The following MYO3A variants were observed in gnomAD, a reference collection of about 807,000 sequenced individuals.
MYO3A encodes the protein myosin IIIA.
In MYO3A, 180 loss-of-function variants were observed where a neutral mutation model predicts 192.7. The ratio of observed to expected loss-of-function variants is 0.93; its 90% confidence interval spans 0.83 to 1.06. MYO3A has a LOEUF of 1.06. Among genes scored for constraint, MYO3A ranks in the 50% least tolerant of loss-of-function variants. The pLI is 0.00. For synonymous variants in MYO3A, 628 were observed against 645.3 expected (o/e 0.97, Z 0.41); for missense variants, 1,896 against 1,905.0 (o/e 1.00, Z 0.09).
chr10:26,193,790 T>G (rs1589112235), intron 32 of MYO3A, among the ~76,000 whole-genome samples: 1 of 152,352 alleles, frequency 6.6e-6, no homozygotes, highest in South Asian at 2.1e-4. Flanking sequence ...TCCCTGAATG[T>G]ATTATCCATA....
intron 9 of MYO3A, 29 bp from the exon 10 acceptor site, chr10:26,026,348 T>C (rs1842541630): frequency 6.2e-7 from 1 of 1,612,904 alleles, no homozygotes; most frequent in African/African-American, 1.3e-5. Context: ...ACTTATCTAA[T>C]AATTGCATGT....
At chr10:26,177,629 G>A (rs935056481) in intron 31 of MYO3A, among the ~76,000 whole-genome samples, 12 of 152,180 alleles carry the variant, frequency 7.9e-5, no homozygotes, top group Non-Finnish European at 1.3e-4. Context: ...TAAAGTTCAG[G>A]AGTCCCACGA....
chr10:26,184,104 G>C (rs1842753063), intron 31 of MYO3A, among the ~76,000 whole-genome samples: 1 of 152,150 alleles, frequency 6.6e-6, no homozygotes, highest in Non-Finnish European at 1.5e-5. Context: ...AAAGGAAGGA[G>C]GCCATGCAAG....
rs148750296 is a variant in MYO3A, at chr10:26,124,762, C to G, written c.1904-636C>G. On this transcript the variant is annotated intron_variant, in intron 18 of 34. Transcript: ENST00000642920. ...ATTAAAGTGTTACTAATTTTAAATT[C>G]CCCATGAAATGTAATCAACATTAAA... Among the ~76,000 whole-genome samples the G allele has an allele frequency of 2.9e-3, 447 of 152,224 alleles. 3 individuals carry two copies. The highest frequency in any genetic ancestry group is 9.2e-3 in the African/African-American group (382 of 41,550).
At chr10:26,139,030 C>T (rs2131820705) in intron 20 of MYO3A, among the ~76,000 whole-genome samples, 1 of 152,276 alleles carries the variant, frequency 6.6e-6, no homozygotes, top group South Asian at 2.1e-4. Context: ...TGTAAGGAAG[C>T]CTCTGAGTCC....
intron 10 of MYO3A, among the ~76,000 whole-genome samples, chr10:26,054,195 T>C (rs11813730): frequency 0.16 from 24,736 of 152,132 alleles, 2,306 homozygotes; most frequent in Non-Finnish European, 0.21. Context: ...TGAGTTATGT[T>C]TTAAAAAGAT....
intron 19 of MYO3A, among the ~76,000 whole-genome samples, chr10:26,127,751 A>G (rs987090005): frequency 1.7e-5 from 2 of 115,636 alleles, no homozygotes; most frequent in Non-Finnish European, 4.1e-5. Flanking sequence ...CCTTTTGACC[A>G]ATAGTAAAAA....
At chr10:25,945,734 A>G (rs1435841079) in intron 2 of MYO3A, among the ~76,000 whole-genome samples, 7 of 152,074 alleles carry the variant, frequency 4.6e-5, no homozygotes, top group Non-Finnish European at 8.8e-5. Context: ...AGTTTAATCC[A>G]TTTACATTTA....
chr10:25,936,516 TACCTAACAAACAAACTCCCTC>T (rs1836074899), intron 2 of MYO3A, among the ~76,000 whole-genome samples: 1 of 152,208 alleles, frequency 6.6e-6, no homozygotes, highest in Non-Finnish European at 1.5e-5. Flanking sequence ...TGAATGATTG[TACCTAACAAACAAACTCCCTC>T]CCCCTAGTAA....
Position 26,174,006 on chromosome 10 carries a change from A to G in MYO3A, c.3742A>G (p.Arg1248Gly). ...TTACTATCAGAGGTACACAGAGGAG[A>G]GGAATTGTGAAGAGTCAAAAGCAGC... Reference protein sequence around the residue: ...QSYYQRYTEERNCEESKAAYL... With the variant: ...QSYYQRYTEEGNCEESKAAYL... Residue 1248 changes from arginine to glycine, a missense_variant, in exon 30 of 35, where the codon AGG becomes GGG. Transcript: ENST00000642920. 1.2e-6 allele frequency: 2 copies of G among 1,611,200 alleles called. No homozygotes were observed. The highest frequency in any genetic ancestry group is 2.2e-5 in the South Asian group (2 of 90,424).
chr10:26,020,313 T>C (rs1010446996), intron 7 of MYO3A, among the ~76,000 whole-genome samples: 1 of 152,250 alleles, frequency 6.6e-6, no homozygotes, highest in African/African-American at 2.4e-5. Context: ...GATATGCTTA[T>C]AACTAAACTG....
At chr10:25,995,882 A>G (rs1840399667) in intron 4 of MYO3A, among the ~76,000 whole-genome samples, 1 of 152,212 alleles carries the variant, frequency 6.6e-6, no homozygotes, top group Non-Finnish European at 1.5e-5. Flanking sequence ...TCAGAGGGGT[A>G]CCCGGCCCTG....
At chr10:26,101,826 A>C (rs1837474359) in intron 17 of MYO3A, among the ~76,000 whole-genome samples, 1 of 152,068 alleles carries the variant, frequency 6.6e-6, no homozygotes, top group African/African-American at 2.4e-5. Context: ...GGCTGCCCTT[A>C]ATATTTTTTC....
intron 10 of MYO3A, among the ~76,000 whole-genome samples, chr10:26,043,636 A>G (rs930799491): frequency 2.6e-5 from 4 of 152,156 alleles, no homozygotes; most frequent in African/African-American, 4.8e-5. Flanking sequence ...GCTACCAGCA[A>G]TGTTCACTTA....
At chr10:25,993,093 C>T (rs1178506031) in intron 4 of MYO3A, among the ~76,000 whole-genome samples, 1 of 152,086 alleles carries the variant, frequency 6.6e-6, no homozygotes, top group Non-Finnish European at 1.5e-5. Context: ...GTACCAGTTC[C>T]TCCTTGTACC....
At chr10:26,072,446 A>G (rs1361779287) in intron 14 of MYO3A, among the ~76,000 whole-genome samples, 1 of 152,206 alleles carries the variant, frequency 6.6e-6, no homozygotes, top group East Asian at 1.9e-4. Flanking sequence ...TCTTTGACCA[A>G]TTAAAACTAG....
At chr10:26,021,348 T>C (rs1286623728) in intron 7 of MYO3A, among the ~76,000 whole-genome samples, 155 bp from the exon 8 acceptor site, 3 of 152,236 alleles carry the variant, frequency 2.0e-5, no homozygotes, top group African/African-American at 7.2e-5. Flanking sequence ...AATAATAATT[T>C]GATCTTTTAT....
chr10:26,092,185 C>T (rs1413511660), intron 15 of MYO3A, among the ~76,000 whole-genome samples: 1 of 151,986 alleles, frequency 6.6e-6, no homozygotes. Context: ...TGCAAAGCTT[C>T]GGCCGGGTGC....
At chr10:25,992,203 G>A (rs559855768) in intron 4 of MYO3A, among the ~76,000 whole-genome samples, 12 of 152,282 alleles carry the variant, frequency 7.9e-5, no homozygotes, top group African/African-American at 2.9e-4. Context: ...GCAGTGGTTT[G>A]TAGTTCTCCT....
Sources: allele counts gnomAD v4.1 joint callset (sites outside exome capture counted in the v4.1 genomes callset), GRCh38; gene constraint gnomAD v4.1.1; transcripts MANE v1.5; gene names NCBI Gene and HGNC (gene_info 2026-07-23, HGNC 2026-07-21).